ROBO1: variants seen among roughly 807,000 people sequenced by gnomAD.
ROBO1 encodes the protein roundabout guidance receptor 1, also known as roundabout homolog 1.
Under a neutral mutation model 195.9 loss-of-function variants are expected in ROBO1, and 149 were observed. The ratio of observed to expected loss-of-function variants is 0.76; its 90% CI spans 0.67 to 0.87. The LOEUF (loss-of-function observed/expected upper bound fraction) is 0.87, where lower values mean the gene tolerates loss of function less well. Ranked by LOEUF, ROBO1 falls within the 40% of genes least tolerant of loss-of-function variation. The probability of loss-of-function intolerance (pLI) is 0.00; values close to 1 mark genes in which losing one functional copy is unlikely to be tolerated. For synonymous variants in ROBO1, 816 were observed against 733.2 expected, an observed-to-expected ratio of 1.11 and a Z score of -1.82; for missense variants, 1,933 against 2,068.3, an observed-to-expected ratio of 0.93 and a Z score of 1.27.
chr3:78,963,508 T>TTG (rs1479338147), intron 3 of ROBO1, among the ~76,000 whole-genome samples: 1 of 122,844 alleles, frequency 8.1e-6, no homozygotes, highest in African/African-American at 3.1e-5. Context: ...TTTTTTTTTT[T>TTG]TTTTTTTTTT....
rs146976224 is a variant in ROBO1 at position 79,765,180 on chromosome 3, T to C, written c.-51+2572A>G. Among the ~76,000 whole-genome samples the C allele has an allele frequency of 2.0e-3, 306 of 152,334 alleles. 1 individual carries two copies. The highest frequency in any genetic ancestry group is 6.9e-3 in the African/African-American group (288 of 41,572). On this transcript the variant is annotated intron_variant, in intron 1 of 30. Coordinates refer to ENST00000464233, the MANE Select transcript of ROBO1 (RefSeq NM_002941.4). Reference sequence around the variant, plus strand: ...TTCAATTCTGCAGCTCCTACAGGGCTAAATTGGAAGAGGCATGGAGCAGGA... The same window carrying C: ...TTCAATTCTGCAGCTCCTACAGGGCCAAATTGGAAGAGGCATGGAGCAGGA...
At position 79,264,264 on chromosome 3, in the gene ROBO1, TG is replaced by T. The variant is rs2082993995; in HGVS notation, c.89-138726del. Among the ~76,000 whole-genome samples, 3 of 152,104 alleles carry T rather than the reference TG, an allele frequency of 2.0e-5. No homozygotes were observed. In the South Asian group the frequency reaches 6.2e-4, roughly 32 times the overall value. On this transcript the variant is annotated intron_variant, in intron 2 of 30. Transcript: ENST00000464233. ...TCCCAGTACAATTCCTTTGCACATG[TG>T]GTTCTTTCTGAGAGAAAGAATATCC... is the stretch of plus-strand genomic sequence containing the variant.
At chr3:79,222,823 ATTAC>A (rs2082163961) in intron 2 of ROBO1, among the ~76,000 whole-genome samples, 1 of 152,132 alleles carries the variant, frequency 6.6e-6, no homozygotes, top group Non-Finnish European at 1.5e-5. Flanking sequence ...ATTCGGGATA[ATTAC>A]TTATTTTGTC....
chr3:78,873,024 C>T (rs957065278), intron 4 of ROBO1, among the ~76,000 whole-genome samples: 5 of 152,086 alleles, frequency 3.3e-5, no homozygotes, highest in African/African-American at 1.2e-4. Flanking sequence ...CTGGATTAAA[C>T]AAGACTTACC....
chr3:78,838,956 T>C (rs1272158964), intron 4 of ROBO1, among the ~76,000 whole-genome samples: 1 of 152,244 alleles, frequency 6.6e-6, no homozygotes, highest in African/African-American at 2.4e-5. Flanking sequence ...TTGTTTACTC[T>C]GGGCTAGTGT....
At chr3:78,694,302 C>A (rs2081240106) in intron 8 of ROBO1, among the ~76,000 whole-genome samples, 1 of 152,072 alleles carries the variant, frequency 6.6e-6, no homozygotes, top group Non-Finnish European at 1.5e-5. Flanking sequence ...ATATTTTACT[C>A]AAATAAATAA....
chr3:79,254,816 T>C (rs1213420567), intron 2 of ROBO1, among the ~76,000 whole-genome samples: 1 of 152,142 alleles, frequency 6.6e-6, no homozygotes, highest in African/African-American at 2.4e-5. Context: ...TGTAGTATGT[T>C]TTCTCTATGA....
chr3:79,725,411 A>G (rs1702879352), intron 1 of ROBO1, among the ~76,000 whole-genome samples: 2 of 151,142 alleles, frequency 1.3e-5, no homozygotes, highest in African/African-American at 2.4e-5. Context: ...TATTTTTAGT[A>G]GAGACGAGGT....
intron 2 of ROBO1, among the ~76,000 whole-genome samples, chr3:79,419,862 T>G (rs959963614): frequency 1.3e-5 from 2 of 152,140 alleles, no homozygotes; most frequent in African/African-American, 4.8e-5. Flanking sequence ...ATTTGGAATC[T>G]GACCTTAACA....
chr3:78,740,891 T>C (rs148218603), intron 5 of ROBO1, among the ~76,000 whole-genome samples: 152 of 152,306 alleles, frequency 1.0e-3, no homozygotes, highest in Non-Finnish European at 1.5e-3. Flanking sequence ...GAACAGATAT[T>C]GAAAATATAC....
chr3:78,888,415 G>A (rs2036688889), intron 4 of ROBO1, among the ~76,000 whole-genome samples: 1 of 152,144 alleles, frequency 6.6e-6, no homozygotes, highest in African/African-American at 2.4e-5. Flanking sequence ...CTACAACAAA[G>A]CTACTGCTAG....
intron 2 of ROBO1, among the ~76,000 whole-genome samples, chr3:79,556,271 T>C (rs1942695957): frequency 1.3e-5 from 2 of 152,082 alleles, no homozygotes; most frequent in African/African-American, 2.4e-5. Flanking sequence ...TAATGCCAAA[T>C]ATGATTGTAA....
At chr3:79,725,785 T>C (rs945841424) in intron 1 of ROBO1, among the ~76,000 whole-genome samples, 1 of 152,146 alleles carries the variant, frequency 6.6e-6, no homozygotes, top group African/African-American at 2.4e-5. Context: ...CTTGCTAAAA[T>C]ATATGACTTT....
intron 4 of ROBO1, among the ~76,000 whole-genome samples, chr3:78,838,772 A>G (rs1365519385): frequency 6.6e-6 from 1 of 152,174 alleles, no homozygotes; most frequent in Non-Finnish European, 1.5e-5. Flanking sequence ...AAACTTTTGC[A>G]GCCTATCACT....
At chr3:79,437,229 A>C (rs1047754501) in intron 2 of ROBO1, among the ~76,000 whole-genome samples, 1 of 152,024 alleles carries the variant, frequency 6.6e-6, no homozygotes, top group Admixed American at 6.6e-5. Context: ...GATCCAATGA[A>C]AGACTGAGAT....
chr3:79,217,669 T>C (rs542341282), intron 2 of ROBO1, among the ~76,000 whole-genome samples: 6 of 152,126 alleles, frequency 3.9e-5, no homozygotes, highest in South Asian at 2.1e-4. Flanking sequence ...AGTAGCAACA[T>C]AGATAAAACA....
At chr3:79,035,184 T>G (rs1317025555) in intron 3 of ROBO1, among the ~76,000 whole-genome samples, 1 of 152,058 alleles carries the variant, frequency 6.6e-6, no homozygotes, top group Non-Finnish European at 1.5e-5. Context: ...AAATGAGTAT[T>G]ATAATAATAA....
At chr3:79,640,082 T>C (rs1945611481) in intron 1 of ROBO1, among the ~76,000 whole-genome samples, 1 of 152,174 alleles carries the variant, frequency 6.6e-6, no homozygotes, top group African/African-American at 2.4e-5. Flanking sequence ...GCATTTCCAT[T>C]TCACGAACAC....
At chr3:79,261,008 C>T (rs1456033243) in intron 2 of ROBO1, among the ~76,000 whole-genome samples, 1 of 152,052 alleles carries the variant, frequency 6.6e-6, no homozygotes, top group African/African-American at 2.4e-5. Flanking sequence ...CTTGTACATC[C>T]TATCCACTGA....
Sources: allele counts gnomAD v4.1 joint callset (sites outside exome capture counted in the v4.1 genomes callset), GRCh38; gene constraint gnomAD v4.1.1; transcripts MANE v1.5; gene names NCBI Gene and HGNC (gene_info 2026-07-23, HGNC 2026-07-21).